The following CPSF6 variants were observed in gnomAD, a reference collection of about 807,000 sequenced individuals.
The protein encoded by CPSF6 is cleavage and polyadenylation specific factor 6.
CPSF6 carries 10 observed loss-of-function variants against 56.7 expected under a neutral mutation model. The ratio of observed to expected loss-of-function variants is 0.18; its 90% CI spans 0.11 to 0.30. The LOEUF (loss-of-function observed/expected upper bound fraction) is 0.30, where lower values mean the gene tolerates loss of function less well. CPSF6 is among the 10% of genes least tolerant of loss of function. The pLI, the probability that CPSF6 is intolerant of heterozygous loss-of-function variation, is 1.00. For synonymous variants in CPSF6, 248 were observed against 244.8 expected, an observed-to-expected ratio of 1.01 and a Z score of -0.12; for missense variants, 419 against 722.9, an observed-to-expected ratio of 0.58 and a Z score of 4.82.
intron 2 of CPSF6, chr12:69,252,158 T>TC (rs1383801933): frequency 2.2e-6 from 1 of 450,990 alleles, no homozygotes; most frequent in Admixed American, 2.4e-5. Flanking sequence ...CACTGAAGCC[T>TC]CAAACTCCTG....
intron 6 of CPSF6, 85 bp downstream of exon 6, chr12:69,259,179 A>G (rs1698502057): frequency 4.2e-6 from 6 of 1,417,540 alleles, no homozygotes; most frequent in Non-Finnish European, 4.7e-6. Flanking sequence ...GTATATAAAT[A>G]TGTTATTTCT....
At chr12:69,262,332 C>G in intron 8 of CPSF6, 41 bp from the exon 9 acceptor site, 1 of 1,480,670 alleles carries the variant, frequency 6.8e-7, no homozygotes, top group Non-Finnish European at 9.0e-7. Context: ...TTTAGGCTAT[C>G]TAATTATGGA....
chr12:69,254,756 A>C (rs1024530130), intron 3 of CPSF6, among the ~76,000 whole-genome samples: 1 of 152,242 alleles, frequency 6.6e-6, no homozygotes. Flanking sequence ...ATAATTTAAA[A>C]GATCATATTG....
chr12:69,270,109 A>G lies in CPSF6; in HGVS notation c.*601A>G, dbSNP rs1873173830. On this transcript the variant is annotated 3_prime_UTR_variant, in exon 10 of 10. Coordinates refer to ENST00000435070, the MANE Select transcript of CPSF6 (RefSeq NM_007007.3). ...TCTAATCTTGCGTTCAGTGAATTAAACATAGTAATTAAGTGTCTTTTGCCC... is the reference window on the plus strand; with the variant it reads ...TCTAATCTTGCGTTCAGTGAATTAAGCATAGTAATTAAGTGTCTTTTGCCC... 6.6e-6 allele frequency: 1 copy of G among 152,202 alleles called. No individual in the cohort carries two copies. The highest frequency in any genetic ancestry group is 2.4e-5 in the African/African-American group (1 of 41,428). 9.4% of individuals were successfully genotyped at this position (152,202 alleles called of 1,614,324 possible). A position where few individuals can be genotyped will look rare whatever the true frequency, so the allele number is the denominator to read the frequency against.
At chr12:69,259,295 C>T in intron 6 of CPSF6, 133 bp from the exon 7 acceptor site, 1 of 1,295,490 alleles carries the variant, frequency 7.7e-7, no homozygotes, top group African/African-American at 1.5e-5. Context: ...AAGTAGCATG[C>T]TTCAATATGG....
intron 8 of CPSF6, 39 bp downstream of exon 8, chr12:69,260,236 T>C: frequency 5.5e-6 from 8 of 1,450,560 alleles, no homozygotes; most frequent in Non-Finnish European, 7.4e-6. Context: ...AAAAAAACTG[T>C]TAGTTTACAA....
At chr12:69,242,770 A>G (rs1871693964) in intron 1 of CPSF6, among the ~76,000 whole-genome samples, 1 of 152,186 alleles carries the variant, frequency 6.6e-6, no homozygotes, top group African/African-American at 2.4e-5. Context: ...AATATTTAGT[A>G]ATTGTAGATT....
chr12:69,254,671 TTA>T lies in CPSF6; in HGVS notation c.374+1518_374+1519del, dbSNP rs1417664391. The stretch of plus-strand genomic sequence containing the variant: ...CTTAATAAATATTTGTTAAATTAAT[TTA>T]GTTTTTTCTAAATGTTGTGACCCAA... On this transcript the variant is annotated intron_variant, in intron 3 of 9. Transcript: ENST00000435070. Among the ~76,000 whole-genome samples the T allele has an allele frequency of 3.3e-5, 5 of 152,168 alleles. No individual in the cohort carries two copies. In the East Asian group the frequency reaches 7.7e-4, roughly 23 times the overall value.
chr12:69,243,614 T>C (rs1871738818), intron 1 of CPSF6, among the ~76,000 whole-genome samples: 2 of 151,976 alleles, frequency 1.3e-5, no homozygotes, highest in African/African-American at 4.8e-5. Context: ...AAAAGGTAAG[T>C]GAAAATCTTG....
chr12:69,262,292 G>GT, intron 8 of CPSF6, 81 bp from the exon 9 acceptor site: 2 of 1,427,908 alleles, frequency 1.4e-6, no homozygotes, highest in Non-Finnish European at 9.2e-7. Flanking sequence ...TGCTGCCTAA[G>GT]TTTTTTTAGA....
rs1872595602 is a variant in CPSF6 at position 69,258,359 on chromosome 12, T to C, written c.695-231T>C. Among the ~76,000 whole-genome samples, 1 of 152,182 alleles carries C rather than the reference T, an allele frequency of 6.6e-6. No individual in the cohort carries two copies. The highest frequency in any genetic ancestry group is 1.5e-5 in the Non-Finnish European group (1 of 68,028). On this transcript the variant is annotated intron_variant, in intron 5 of 9. Transcript: ENST00000435070. The surrounding 1 kb of genome is among the most constrained non-coding windows in gnomAD (Gnocchi z 4.2). Reference sequence around the variant, plus strand: ...TATCTCTAGGCATTGTAATATTTTTTTATTAAAGTTTTCGTTTCAATAATT... The same window carrying C: ...TATCTCTAGGCATTGTAATATTTTTCTATTAAAGTTTTCGTTTCAATAATT...
At chr12:69,248,019 C>T (rs1264832566) in intron 1 of CPSF6, among the ~76,000 whole-genome samples, 1 of 152,178 alleles carries the variant, frequency 6.6e-6, no homozygotes, top group Non-Finnish European at 1.5e-5. Flanking sequence ...ACTACAACCA[C>T]TTGGAAGCAG....
chr12:69,250,697 A>G (rs1036888745), intron 1 of CPSF6, among the ~76,000 whole-genome samples: 1 of 150,968 alleles, frequency 6.6e-6, no homozygotes, highest in Admixed American at 6.6e-5. Context: ...CCCAGGCTGG[A>G]GTGCAATGGC....
At chr12:69,251,090 G>A in intron 1 of CPSF6, 39 bp from the exon 2 acceptor site, 1 of 1,558,906 alleles carries the variant, frequency 6.4e-7, no homozygotes, top group Middle Eastern at 2.2e-4. Context: ...GTAGTATTTT[G>A]ACTTTTGTAT....
intron 9 of CPSF6, among the ~76,000 whole-genome samples, chr12:69,267,825 C>T (rs776788856): frequency 1.5e-4 from 22 of 151,720 alleles, no homozygotes; most frequent in Admixed American, 2.6e-4. Flanking sequence ...CAAAAGAGTG[C>T]ATTAGTCCTG....
chr12:69,260,297 T>C (rs749173740), intron 8 of CPSF6, 100 bp downstream of exon 8: 7 of 925,754 alleles, frequency 7.6e-6, no homozygotes, highest in Non-Finnish European at 1.1e-5. Flanking sequence ...TTTTACTTAC[T>C]GATTATTTAG....
At chr12:69,245,295 C>T (rs545392953) in intron 1 of CPSF6, among the ~76,000 whole-genome samples, 65 of 152,214 alleles carry the variant, frequency 4.3e-4, no homozygotes, top group Middle Eastern at 3.4e-3. Flanking sequence ...GGGCTAAGAT[C>T]GCTAAACAAT....
chr12:69,258,822 A>ACCACCTCCACAACAGGGACCACCT lies in CPSF6; in HGVS notation c.937_960dup (p.Gln313_Pro320dup). 1.9e-6 allele frequency: 3 copies of ACCACCTCCACAACAGGGACCACCT among 1,613,390 alleles called. No homozygotes were observed. Reference sequence around the variant, plus strand: ...CAGGCTACGGCCCCCCTCCTGGCCCACCACCTCCACAACAGGGACCACCTC... The same window carrying ACCACCTCCACAACAGGGACCACCT: ...CAGGCTACGGCCCCCCTCCTGGCCCACCACCTCCACAACAGGGACCACCTCCACCTCCACAACAGGGACCACCTC... On this transcript the variant is annotated inframe_insertion, in exon 6 of 10. Transcript: ENST00000435070. This position sits in a 1 kb window ranked among gnomAD's most constrained non-coding sequence, Gnocchi z 4.2.
intron 1 of CPSF6, among the ~76,000 whole-genome samples, chr12:69,240,087 C>T (rs1040118679): frequency 3.3e-5 from 5 of 151,586 alleles, no homozygotes; most frequent in African/African-American, 9.7e-5. Flanking sequence ...CGCCGCGCCC[C>T]CTCCCCCGTC....
Sources: allele counts gnomAD v4.1 joint callset (sites outside exome capture counted in the v4.1 genomes callset), GRCh38; gene constraint gnomAD v4.1.1; non-coding constraint Gnocchi (gnomAD v3.1); transcripts MANE v1.5; gene names NCBI Gene and HGNC (gene_info 2026-07-23, HGNC 2026-07-21).